Variants in SUSD3 observed in about 807,000 individuals in gnomAD.
The protein encoded by SUSD3 is sushi domain-containing protein 3.
SUSD3 carries 18 observed loss-of-function variants against 20.6 expected under a neutral mutation model. The ratio of observed to expected loss-of-function variants is 0.87; its 90% CI spans 0.60 to 1.30. SUSD3 has a LOEUF of 1.30. Among genes scored for constraint, SUSD3 ranks in the 50% most tolerant of loss-of-function variants. The pLI is 0.00. For missense variants in SUSD3, 306 were observed against 346.9 expected (o/e 0.88, Z 0.94); for synonymous variants, 137 against 141.5 (o/e 0.97, Z 0.23).
intron 1 of SUSD3, among the ~76,000 whole-genome samples, chr9:93,070,217 C>A (rs938303575): frequency 3.9e-5 from 6 of 152,216 alleles, no homozygotes; most frequent in Non-Finnish European, 5.9e-5. Flanking sequence ...GAATCTTAGA[C>A]ACCGCATCTA....
chr9:93,061,385 C>T (rs935380303), intron 1 of SUSD3, among the ~76,000 whole-genome samples: 1 of 152,272 alleles, frequency 6.6e-6, no homozygotes. Flanking sequence ...CCTCCTGCCA[C>T]CCATTGGCAT....
intron 1 of SUSD3, among the ~76,000 whole-genome samples, chr9:93,059,196 G>C (rs1015464226): frequency 6.6e-6 from 1 of 151,772 alleles, no homozygotes; most frequent in Non-Finnish European, 1.5e-5. Flanking sequence ...CTCACCTGGC[G>C]GGCGGGTGGC....
intron 1 of SUSD3, among the ~76,000 whole-genome samples, chr9:93,066,223 A>C (rs1023878524): frequency 2.0e-5 from 3 of 152,192 alleles, no homozygotes; most frequent in Non-Finnish European, 1.5e-5. Flanking sequence ...AAGCAAAAAA[A>C]GTATCTTCAG....
At chr9:93,076,981 C>T (rs1479011674) in intron 2 of SUSD3, among the ~76,000 whole-genome samples, 1 of 152,238 alleles carries the variant, frequency 6.6e-6, no homozygotes, top group East Asian at 1.9e-4. Flanking sequence ...TCTTATCTTC[C>T]ACTGGCCAGA....
intron 2 of SUSD3, 51 bp from the exon 3 acceptor site, chr9:93,077,795 A>G (rs4341217): frequency 0.22 from 358,414 of 1,608,584 alleles, 52,163 homozygotes; most frequent in African/African-American, 0.73. Context: ...CCCTGGGCCA[A>G]GCAAATCTGG....
Position 93,075,860 on chromosome 9 carries a change from C to G in SUSD3, c.165C>G (p.Thr55=), listed in dbSNP as rs774484881. Residue 55 remains threonine (T), a synonymous_variant, in exon 2 of 5, where the codon ACC becomes ACG. Transcript: ENST00000375472. Reference sequence around the variant, plus strand: ...GTGGCAATGGTGCTTCCGTGGGGACCGTGCTCATGTTCCGCTGCCCCTCCA... The same window carrying G: ...GTGGCAATGGTGCTTCCGTGGGGACGGTGCTCATGTTCCGCTGCCCCTCCA... ...VLRGNGASVG[T]VLMFRCPSNH... The G allele has an allele frequency of 6.2e-7, 1 of 1,613,442 alleles. No homozygotes were observed. Among genetic ancestry groups the G allele is most frequent in the Non-Finnish European group, 8.5e-7 (1 of 1,179,968 alleles).
chr9:93,075,864 C>T lies in SUSD3; in HGVS notation c.169C>T (p.Leu57Phe). Residue 57 changes from leucine to phenylalanine, a missense_variant, in exon 2 of 5, where the codon CTC (leucine) becomes TTC (phenylalanine). By Grantham distance (22) the Leu-to-Phe change is conservative. Transcript: ENST00000375472. ...RGNGASVGTV[L>F]MFRCPSNHQM... ...CAATGGTGCTTCCGTGGGGACCGTG[C>T]TCATGTTCCGCTGCCCCTCCAACCA... The T allele has an allele frequency of 8.7e-6, 14 of 1,613,810 alleles. No individual in the cohort carries two copies. Among genetic ancestry groups the T allele is most frequent in the Non-Finnish European group, 1.1e-5 (13 of 1,179,976 alleles).
chr9:93,058,927 G>T, intron 1 of SUSD3, 97 bp downstream of exon 1: 1 of 679,926 alleles, frequency 1.5e-6, no homozygotes, highest in Non-Finnish European at 2.1e-6. Context: ...CACAGCCGTG[G>T]GTGGGGGCCA....
At chr9:93,068,927 C>T (rs1316546904) in intron 1 of SUSD3, among the ~76,000 whole-genome samples, 1 of 152,020 alleles carries the variant, frequency 6.6e-6, no homozygotes, top group African/African-American at 2.4e-5. Flanking sequence ...ATAAATTGAA[C>T]AGAGTGAAAG....
Position 93,075,803 on chromosome 9 carries a change from G to A in SUSD3, c.108G>A (p.Arg36=), listed in dbSNP as rs201663710. 5.3e-6 allele frequency: 8 copies of A among 1,522,886 alleles called. No homozygotes were observed. Among genetic ancestry groups the A allele is most frequent in the South Asian group, 1.1e-5 (1 of 89,766 alleles). The allele number at this position is 1,522,886 out of a possible 1,614,324, so 94.3% of individuals were successfully genotyped here. The stretch of plus-strand genomic sequence containing the variant: ...CCCCAGGCACGTGCGCTAAGCTGCG[G>A]CTACCCCCGCAAGCAACCTTCCAAG... The part of the protein sequence containing the change: ...GNRTGTCAKL[R]LPPQATFQVL... The change falls in exon 2 of 5, where the codon CGG becomes CGA. Residue 36 remains arginine, a synonymous_variant. Coordinates refer to ENST00000375472, the MANE Select transcript of SUSD3 (RefSeq NM_145006.4).
chr9:93,079,610 CG>C lies in SUSD3; in HGVS notation c.557+11del, dbSNP rs1393480051. The C allele has an allele frequency of 6.8e-6, 11 of 1,613,136 alleles. No homozygotes were observed. Among genetic ancestry groups the C allele is most frequent in the Non-Finnish European group, 8.5e-6 (10 of 1,179,798 alleles). ...CAACCACAGCTTCACCACGTGAGCC[CG>C]GGTCTGGGTAGGGGACATGCTGGGG... On this transcript the variant is annotated intron_variant, in intron 4 of 4. Coordinates refer to ENST00000375472, the MANE Select transcript of SUSD3 (RefSeq NM_145006.4).
Position 93,058,733 on chromosome 9 carries a change from A to C in SUSD3, c.-10A>C. 2.4e-6 allele frequency: 3 copies of C among 1,232,182 alleles called. No homozygotes were observed. Among genetic ancestry groups the C allele is most frequent in the Non-Finnish European group, 3.0e-6 (3 of 987,144 alleles). 76.3% of individuals were successfully genotyped at this position (1,232,182 alleles called of 1,614,324 possible). A position where few individuals can be genotyped will look rare whatever the true frequency, so the allele number is the denominator to read the frequency against. On this transcript the variant is annotated 5_prime_UTR_variant, in exon 1 of 5. Transcript: ENST00000375472. Reference sequence around the variant, plus strand: ...TGGCAGACCCCGCCAAGCGCCTCGGAGCGCGCAGGATGCGCTGGGCGGCCG... The same window carrying C: ...TGGCAGACCCCGCCAAGCGCCTCGGCGCGCGCAGGATGCGCTGGGCGGCCG...
chr9:93,081,451 G>A (rs1268939472), intron 4 of SUSD3, among the ~76,000 whole-genome samples: 1 of 152,154 alleles, frequency 6.6e-6, no homozygotes, highest in African/African-American at 2.4e-5. Context: ...AGTGAGGATT[G>A]CAGTAGCGCT....
At chr9:93,065,425 T>C (rs917255562) in intron 1 of SUSD3, among the ~76,000 whole-genome samples, 1 of 152,190 alleles carries the variant, frequency 6.6e-6, no homozygotes, top group African/African-American at 2.4e-5. Context: ...CTGGACACAC[T>C]CACCCTCGCC....
chr9:93,075,736 G>GCGC, intron 1 of SUSD3, 48 bp from the exon 2 acceptor site: 1 of 272,216 alleles, frequency 3.7e-6, no homozygotes, highest in Non-Finnish European at 6.2e-6. Flanking sequence ...TGCCCTGCGT[G>GCGC]CCCACCCCCC....
chr9:93,083,730 C>A (rs552258081), intron 4 of SUSD3, among the ~76,000 whole-genome samples: 1 of 152,358 alleles, frequency 6.6e-6, no homozygotes, highest in Non-Finnish European at 1.5e-5. Context: ...GATGCTTTCA[C>A]TTACTCATTG....
At chr9:93,063,879 C>T (rs527298690) in intron 1 of SUSD3, among the ~76,000 whole-genome samples, 1 of 152,338 alleles carries the variant, frequency 6.6e-6, no homozygotes, top group Admixed American at 6.5e-5. Context: ...CCCCACCAGG[C>T]ACCATCCTTC....
intron 3 of SUSD3, among the ~76,000 whole-genome samples, chr9:93,078,452 G>T (rs370173227): frequency 6.6e-6 from 1 of 152,138 alleles, no homozygotes; most frequent in Non-Finnish European, 1.5e-5. Context: ...TGGAGATGGG[G>T]TTTCACCATA....
intron 4 of SUSD3, among the ~76,000 whole-genome samples, chr9:93,081,962 G>A (rs1435322789): frequency 2.0e-5 from 3 of 152,202 alleles, no homozygotes; most frequent in Non-Finnish European, 2.9e-5. Flanking sequence ...GGAATCGATT[G>A]TTTAGGCCCA....
Sources: allele counts gnomAD v4.1 joint callset (sites outside exome capture counted in the v4.1 genomes callset), GRCh38; gene constraint gnomAD v4.1.1; transcripts MANE v1.5; gene names NCBI Gene and HGNC (gene_info 2026-07-23, HGNC 2026-07-21).